The following EVC2 variants were observed in gnomAD, a reference collection of about 807,000 sequenced individuals.
EVC2 encodes limbin.
In EVC2, 148 loss-of-function variants were observed where a neutral mutation model predicts 149.3. The ratio of observed to expected loss-of-function variants is 0.99; its 90% CI spans 0.87 to 1.14. The LOEUF is 1.14. Among genes scored for constraint, EVC2 ranks in the 50% most tolerant of loss-of-function variants. The pLI is 0.00. For missense variants in EVC2, 1,854 were observed against 1,627.3 expected, an observed-to-expected ratio of 1.14 and a Z score of -2.40; for synonymous variants, 776 against 649.9, an observed-to-expected ratio of 1.19 and a Z score of -2.95.
intron 9 of EVC2, among the ~76,000 whole-genome samples, chr4:5,660,401 C>T (rs1011333181): frequency 6.6e-6 from 1 of 152,190 alleles, no homozygotes; most frequent in African/African-American, 2.4e-5. Context: ...CCTAGCAGAG[C>T]TCTTCTCTCA....
chr4:5,543,233 G>A (rs1721550431), intron 21 of EVC2: 2 of 1,288,228 alleles, frequency 1.6e-6, no homozygotes, highest in Admixed American at 2.3e-5. Context: ...ATACAATCCT[G>A]GTCTAACCAA....
At chr4:5,612,739 G>A (rs537890948) in intron 16 of EVC2, among the ~76,000 whole-genome samples, 48 of 151,988 alleles carry the variant, frequency 3.2e-4, no homozygotes, top group Non-Finnish European at 6.5e-4. Context: ...TGGCTAATGC[G>A]GTGAAACCCT....
chr4:5,672,046 CA>C (rs1483908164), intron 7 of EVC2, among the ~76,000 whole-genome samples: 1 of 152,200 alleles, frequency 6.6e-6, no homozygotes, highest in African/African-American at 2.4e-5. Flanking sequence ...AGGCCCTACT[CA>C]AGGAGCTCAC....
chr4:5,585,138 C>T (rs752114791), intron 16 of EVC2, among the ~76,000 whole-genome samples: 9 of 152,070 alleles, frequency 5.9e-5, no homozygotes, highest in Non-Finnish European at 1.2e-4. Context: ...TAAGTCTCTC[C>T]ATGTCCTAGA....
chr4:5,647,612 T>C (rs1372836045), intron 9 of EVC2, among the ~76,000 whole-genome samples: 1 of 152,084 alleles, frequency 6.6e-6, no homozygotes, highest in Admixed American at 6.5e-5. Context: ...AACTAAACAA[T>C]CAATGTTGTA....
At chr4:5,656,450 C>T (rs1718525569) in intron 9 of EVC2, among the ~76,000 whole-genome samples, 1 of 152,134 alleles carries the variant, frequency 6.6e-6, no homozygotes, top group African/African-American at 2.4e-5. Context: ...GAAATGTGAC[C>T]TTCGAAGGGA....
chr4:5,597,389 C>G (rs908053944), intron 16 of EVC2, among the ~76,000 whole-genome samples: 8 of 152,102 alleles, frequency 5.3e-5, no homozygotes, highest in African/African-American at 1.9e-4. Flanking sequence ...GGGCTTCATC[C>G]CTGGGATGGA....
intron 1 of EVC2, among the ~76,000 whole-genome samples, chr4:5,697,914 T>C (rs1398014620): frequency 1.3e-5 from 2 of 151,512 alleles, no homozygotes; most frequent in East Asian, 3.9e-4. Flanking sequence ...CCCAGCTAAT[T>C]TTTTTGTTTT....
rs370417224 is a variant in EVC2, at chr4:5,694,423, C to G, written c.362G>C (p.Gly121Ala). Residue 121 changes from glycine to alanine, a missense_variant, in exon 3 of 22, where the codon GGG (glycine) becomes GCG (alanine). Physicochemically the swap from Gly to Ala is moderately conservative, Grantham distance 60. Transcript: ENST00000344408. ...AGCAAATAAGGAATGAGCCCATGGC[C>G]CACTAGAGGCTGCAGAAGTTGAGAG... ...IPLSTSAASS[G>A]PWAHSLFAFI... 6.8e-6 allele frequency: 11 copies of G among 1,613,988 alleles called. No homozygotes were observed. In the African/African-American group the frequency reaches 1.3e-4, roughly 20 times the overall value.
rs1013601 is a variant in EVC2, at chr4:5,631,509, A to G, written c.1710+284T>C. Among the ~76,000 whole-genome samples, 68,920 of 151,704 alleles carry G rather than the reference A, an allele frequency of 0.45. 19,179 individuals are homozygous for G. The highest frequency in any genetic ancestry group is 0.78 in the African/African-American group (32,280 of 41,442). ...GGCATTCTATCACACTCATCTTATA[A>G]GTGACGAAACTAAGGCTCAAAGAAG... On this transcript the variant is annotated intron_variant, in intron 11 of 21. Coordinates refer to ENST00000344408, the MANE Select transcript of EVC2 (RefSeq NM_147127.5).
intron 15 of EVC2, among the ~76,000 whole-genome samples, chr4:5,616,580 G>A (rs7684204): frequency 0.27 from 41,373 of 152,114 alleles, 6,037 homozygotes; most frequent in East Asian, 0.6. Flanking sequence ...ACCTGGCCCC[G>A]TATACCCTCA....
chr4:5,566,072 T>C (rs1398705474), intron 20 of EVC2, among the ~76,000 whole-genome samples: 1 of 152,198 alleles, frequency 6.6e-6, no homozygotes, highest in African/African-American at 2.4e-5. Flanking sequence ...GAGGACACAG[T>C]GGGAGCTCCA....
chr4:5,544,746 T>G (rs1001469767), intron 21 of EVC2, among the ~76,000 whole-genome samples: 55 of 152,202 alleles, frequency 3.6e-4, no homozygotes, highest in African/African-American at 1.3e-3. Flanking sequence ...ACCAATACTG[T>G]GGGGAAAACA....
downstream of EVC2, among the ~76,000 whole-genome samples, chr4:5,539,224 T>C (rs1336124805): frequency 6.6e-6 from 1 of 152,182 alleles, no homozygotes; most frequent in Non-Finnish European, 1.5e-5. Context: ...TTAATATTTA[T>C]GGATGAATCT....
rs150999693 is a variant in EVC2, at chr4:5,578,206, G to T, written c.3058-1752C>A. ...CCAGATTTTAAATGCTGAGGTCAGG[G>T]ACTCAGGAGCATCGTTGACATGTTC... On this transcript the variant is annotated intron_variant, in intron 17 of 21. Transcript: ENST00000344408. 2.1e-4 allele frequency among the ~76,000 whole-genome samples: 31 copies of T among 148,506 alleles called. 1 individual carries two copies. The East Asian group carries it at 5.9e-3, about 28-fold the overall frequency.
rs115350650 is a variant in EVC2, at chr4:5,552,218, A to G, written c.3420-9006T>C. On this transcript the variant is annotated intron_variant and NMD_transcript_variant, in intron 21 of 22. Transcript: ENST00000475313. ...AGATGAGGACTAAACTCTCCTTCTT[A>G]TATGTATATACACACATATACATTC... Among the ~76,000 whole-genome samples the G allele has an allele frequency of 2.9e-3, 444 of 152,316 alleles. 1 individual carries two copies. The highest frequency in any genetic ancestry group is 0.01 in the African/African-American group (422 of 41,564).
At chr4:5,579,679 TA>T (rs1711583074) in intron 17 of EVC2, among the ~76,000 whole-genome samples, 1 of 152,026 alleles carries the variant, frequency 6.6e-6, no homozygotes, top group Non-Finnish European at 1.5e-5. Context: ...TTGTCTCTAC[TA>T]AAAATACAAA....
chr4:5,673,789 T>C (rs1445045156), intron 7 of EVC2, among the ~76,000 whole-genome samples: 1 of 152,246 alleles, frequency 6.6e-6, no homozygotes, highest in East Asian at 1.9e-4. Flanking sequence ...TTTACAGAGT[T>C]TGACTTCATT....
intron 1 of EVC2, among the ~76,000 whole-genome samples, chr4:5,699,735 T>C (rs1034957495): frequency 6.6e-6 from 1 of 150,818 alleles, no homozygotes; most frequent in Non-Finnish European, 1.5e-5. Flanking sequence ...GCAGAAGGAA[T>C]TACTTGGAGC....
Sources: allele counts gnomAD v4.1 joint callset (sites outside exome capture counted in the v4.1 genomes callset), GRCh38; gene constraint gnomAD v4.1.1; transcripts MANE v1.5; gene names NCBI Gene and HGNC (gene_info 2026-07-23, HGNC 2026-07-21).